Variants in MC2R observed in about 807,000 individuals in gnomAD.
MC2R encodes the protein melanocortin 2 receptor.
MC2R carries 9 observed loss-of-function variants against 9.8 expected under a neutral mutation model. That is an observed-to-expected ratio of 0.92 (90% confidence interval 0.55 to 1.60). The LOEUF is 1.60. MC2R is among the 40% of genes most tolerant of loss of function. The pLI is 0.00. For synonymous variants in MC2R, 185 were observed against 154.7 expected (o/e 1.20, Z -1.45); for missense variants, 370 against 389.0 (o/e 0.95, Z 0.41).
chr18:13,898,045 T>A (rs8090269), intron 1 of MC2R, among the ~76,000 whole-genome samples: 79,905 of 151,572 alleles, frequency 0.53, 22,356 homozygotes, highest in African/African-American at 0.72. Flanking sequence ...GCATAGCCAC[T>A]GTGGAATAGA....
At position 13,888,162 on chromosome 18, in the gene MC2R, G is replaced by A. The variant is rs139501379; in HGVS notation, c.-128-2516C>T. Among the ~76,000 whole-genome samples the A allele has an allele frequency of 6.4e-4, 97 of 152,072 alleles. No individual in the cohort carries two copies. In the East Asian group the frequency reaches 7.3e-3, roughly 11 times the overall value. On this transcript the variant is annotated intron_variant, in intron 1 of 1. Transcript: ENST00000327606. ...TGGTTGTAATATTTTTTTAGAAACA[G>A]GTGGTTTGGGAGCCCAGCTTCAGTT...
At chr18:13,913,058 A>G (rs2045454480) in intron 1 of MC2R, among the ~76,000 whole-genome samples, 1 of 152,112 alleles carries the variant, frequency 6.6e-6, no homozygotes, top group African/African-American at 2.4e-5. Flanking sequence ...TTCTTTTTTA[A>G]TATACACAAG....
intron 1 of MC2R, among the ~76,000 whole-genome samples, chr18:13,889,827 T>C (rs2045304508): frequency 6.6e-6 from 1 of 152,196 alleles, no homozygotes; most frequent in Non-Finnish European, 1.5e-5. Context: ...TTTAATCCTC[T>C]TGTTGACAAT....
intron 1 of MC2R, among the ~76,000 whole-genome samples, chr18:13,901,450 G>C (rs1161677252): frequency 2.0e-5 from 3 of 151,686 alleles, no homozygotes; most frequent in African/African-American, 7.3e-5. Flanking sequence ...ATCAAAGAAA[G>C]AAATAGTTGA....
intron 1 of MC2R, among the ~76,000 whole-genome samples, chr18:13,913,088 T>A (rs1490690108): frequency 1.3e-5 from 2 of 152,164 alleles, no homozygotes; most frequent in African/African-American, 4.8e-5. Context: ...TAGGCATGAA[T>A]GACAATGTGA....
rs2045269453 is a variant in MC2R at position 13,885,381 on chromosome 18, C to G, written c.138G>C (p.Leu46=). ...IVGVLENLIV[L]LAVFKNKNLQ... ...GATTCTTATTCTTGAACACAGCCAG[C>G]AGGACGATCAGATTCTCCAAAACTC... The change falls in exon 2 of 2, where the codon CTG becomes CTC. Residue 46 remains leucine (L), a synonymous_variant. Transcript: ENST00000327606. The G allele has an allele frequency of 1.9e-6, 3 of 1,614,044 alleles. No homozygotes were observed. In the South Asian group the frequency reaches 3.3e-5, roughly 18 times the overall value.
rs554966392 is a variant in MC2R at position 13,884,765 on chromosome 18, C to A, written c.754G>T (p.Ala252Ser). 3 of 1,613,850 alleles carry A rather than the reference C, an allele frequency of 1.9e-6. No individual in the cohort carries two copies. The African/African-American group carries it at 4.0e-5, about 22-fold the overall frequency. The part of the protein sequence containing the change: ...MTFCPSNPYC[A>S]CYMSLFQVNG... The stretch of plus-strand genomic sequence containing the variant: ...ACCTGGAAGAGAGACATGTAGCAGG[C>A]GCAGTAGGGGTTACTTGGGCAGAAT... Residue 252 changes from alanine to serine, a missense_variant, in exon 2 of 2, where the codon GCC (alanine) becomes TCC (serine). Transcript: ENST00000327606.
At position 13,883,316 on chromosome 18, in the gene MC2R, T is replaced by C. The variant is rs545464548; in HGVS notation, c.*1309A>G. On this transcript the variant is annotated 3_prime_UTR_variant, in exon 2 of 2. Coordinates refer to ENST00000327606, the MANE Select transcript of MC2R (RefSeq NM_000529.2). Reference sequence around the variant, plus strand: ...AGGATGTGCTTCTCCTTTAAGCTGATTTTTAGCTATTAAAAATGAATGAAC... The same window carrying C: ...AGGATGTGCTTCTCCTTTAAGCTGACTTTTAGCTATTAAAAATGAATGAAC... 4.6e-5 allele frequency: 7 copies of C among 152,358 alleles called. No individual in the cohort carries two copies. Among genetic ancestry groups the C allele is most frequent in the African/African-American group, 1.7e-4 (7 of 41,578 alleles). 9.4% of individuals were successfully genotyped at this position (152,358 alleles called of 1,614,324 possible). A position where few individuals can be genotyped will look rare whatever the true frequency, so the allele number is the denominator to read the frequency against.
chr18:13,899,774 T>C (rs143084280), intron 1 of MC2R, among the ~76,000 whole-genome samples: 246 of 152,210 alleles, frequency 1.6e-3, no homozygotes, highest in African/African-American at 5.7e-3. Context: ...CCTTCAAACA[T>C]GAAGAAGAAA....
In MC2R at chr18:13,885,554, GGACTT is replaced by G. The variant is rs1567896071; in HGVS notation, c.-41_-37del. 6.2e-7 allele frequency: 1 copy of G among 1,611,460 alleles called. No homozygotes were observed. Among genetic ancestry groups the G allele is most frequent in the South Asian group, 1.1e-5 (1 of 90,762 alleles). On this transcript the variant is annotated 5_prime_UTR_variant, in exon 2 of 2. Coordinates refer to ENST00000327606, the MANE Select transcript of MC2R (RefSeq NM_000529.2). ...TGTGGTTAAGGCGGGGATGTTACTT[GGACTT>G]GACTTCACGGAAAACTTGATTGATT...
At position 13,885,113 on chromosome 18, in the gene MC2R, G is replaced by C. The variant is rs1208527333; in HGVS notation, c.406C>G (p.Leu136Val). The C allele has an allele frequency of 2.5e-6, 4 of 1,614,078 alleles. No individual in the cohort carries two copies. In the African/African-American group the frequency reaches 5.3e-5, roughly 22 times the overall value. ...ATGGTCACGATGCTGTGGTACCGCA[G>C]TGCGTGGAAGATGGTGATGTAGCGG... ...ADRYITIFHA[L>V]RYHSIVTMRR... is the part of the protein sequence containing the mutation. The change falls in exon 2 of 2, where the codon CTG (leucine) becomes GTG (valine). Residue 136 changes from leucine (L) to valine (V), a missense_variant. Coordinates refer to ENST00000327606, the MANE Select transcript of MC2R (RefSeq NM_000529.2).
intron 1 of MC2R, among the ~76,000 whole-genome samples, chr18:13,902,425 A>G (rs180937673): frequency 3.9e-5 from 6 of 152,304 alleles, no homozygotes; most frequent in Non-Finnish European, 8.8e-5. Context: ...GAATCACATT[A>G]CCTGACTTCA....
chr18:13,905,987 T>A (rs567795879), intron 1 of MC2R, among the ~76,000 whole-genome samples: 1 of 152,212 alleles, frequency 6.6e-6, no homozygotes, highest in Non-Finnish European at 1.5e-5. Flanking sequence ...ATCCTTGTCT[T>A]GTTCCAGATC....
At chr18:13,903,854 T>C (rs948745776) in intron 1 of MC2R, among the ~76,000 whole-genome samples, 4 of 152,132 alleles carry the variant, frequency 2.6e-5, no homozygotes, top group Non-Finnish European at 5.9e-5. Flanking sequence ...AGGAAAAATT[T>C]AAAAAACAAC....
At chr18:13,892,133 C>T (rs895419059) in intron 1 of MC2R, among the ~76,000 whole-genome samples, 2 of 152,102 alleles carry the variant, frequency 1.3e-5, no homozygotes, top group South Asian at 2.1e-4. Context: ...CATGCAGGGT[C>T]GTGCTGGGGG....
chr18:13,886,730 G>A (rs555082250), intron 1 of MC2R, among the ~76,000 whole-genome samples: 4 of 152,320 alleles, frequency 2.6e-5, no homozygotes, highest in Admixed American at 2.0e-4. Flanking sequence ...GGTGAAGGCG[G>A]ACTGCGGCAG....
chr18:13,894,052 T>A (rs888737172), intron 1 of MC2R, among the ~76,000 whole-genome samples: 2 of 152,206 alleles, frequency 1.3e-5, no homozygotes, highest in African/African-American at 4.8e-5. Context: ...TGCTCACTCA[T>A]CTTTCTCCTT....
chr18:13,914,688 G>C (rs752440010), intron 1 of MC2R, among the ~76,000 whole-genome samples: 1 of 152,134 alleles, frequency 6.6e-6, no homozygotes, highest in Non-Finnish European at 1.5e-5. Flanking sequence ...GTGAAGAATG[G>C]GGACAGTTAT....
At chr18:13,899,974 T>TATCATAC (rs1302902663) in intron 1 of MC2R, among the ~76,000 whole-genome samples, 53 of 152,150 alleles carry the variant, frequency 3.5e-4, no homozygotes, top group African/African-American at 1.1e-3. Context: ...CATAACACTG[T>TATCATAC]AACTGTGCTG....
Sources: allele counts gnomAD v4.1 joint callset (sites outside exome capture counted in the v4.1 genomes callset), GRCh38; gene constraint gnomAD v4.1.1; transcripts MANE v1.5; gene names NCBI Gene and HGNC (gene_info 2026-07-23, HGNC 2026-07-21).